Variants in GSN observed in about 807,000 individuals in gnomAD.
The protein encoded by GSN is gelsolin, also known as actin-depolymerizing factor.
GSN carries 56 observed loss-of-function variants against 85.7 expected under a neutral mutation model. The observed-to-expected ratio is 0.65, with a 90% CI of 0.53 to 0.82. The LOEUF (loss-of-function observed/expected upper bound fraction) is 0.82, where lower values mean the gene tolerates loss of function less well. GSN is among the 40% of genes least tolerant of loss of function. The probability of loss-of-function intolerance (pLI) is 0.00; values close to 1 mark genes in which losing one functional copy is unlikely to be tolerated. For missense variants in GSN, 857 were observed against 979.8 expected (o/e 0.87, Z 1.67); for synonymous variants, 373 against 399.1 (o/e 0.93, Z 0.78).
At chr9:121,251,672 C>A (rs1412815070) in intron 6 of GSN, among the ~76,000 whole-genome samples, 1 of 151,986 alleles carries the variant, frequency 6.6e-6, no homozygotes, top group Non-Finnish European at 1.5e-5. Context: ...GAAAGACATA[C>A]AAATGGCCAG....
chr9:121,272,497 T>TG (rs1459884238), intron 1 of GSN, among the ~76,000 whole-genome samples: 2 of 152,210 alleles, frequency 1.3e-5, no homozygotes, highest in African/African-American at 4.8e-5. Flanking sequence ...CACATGTACT[T>TG]GGGTCCGGCA....
chr9:121,243,317 G>C (rs2054639993), intron 5 of GSN, among the ~76,000 whole-genome samples: 1 of 152,200 alleles, frequency 6.6e-6, no homozygotes, highest in African/African-American at 2.4e-5. Context: ...CCTTTATAAG[G>C]AAACTTACGA....
At chr9:121,328,817 G>T in intron 14 of GSN, 74 bp from the exon 15 acceptor site, 9 of 1,523,448 alleles carry the variant, frequency 5.9e-6, no homozygotes, top group Non-Finnish European at 8.1e-6. Flanking sequence ...GGGCAGGGCT[G>T]GTCCCAGGGT....
At chr9:121,246,268 T>TC (rs2054697607) in intron 5 of GSN, among the ~76,000 whole-genome samples, 1 of 152,190 alleles carries the variant, frequency 6.6e-6, no homozygotes, top group African/African-American at 2.4e-5. Flanking sequence ...AAAAAAGTTT[T>TC]TTTTTTAAAA....
chr9:121,247,333 T>G (rs183891193), intron 5 of GSN, among the ~76,000 whole-genome samples: 1 of 152,314 alleles, frequency 6.6e-6, no homozygotes, highest in Admixed American at 6.5e-5. Flanking sequence ...CCCGCCACAC[T>G]GCTGTCTGGC....
At chr9:121,224,056 T>TA (rs35294951) in intron 4 of GSN, among the ~76,000 whole-genome samples, 44 of 151,732 alleles carry the variant, frequency 2.9e-4, no homozygotes, top group African/African-American at 7.0e-4. Flanking sequence ...TCTGATAGGT[T>TA]AAAAAAAAGG....
chr9:121,232,535 A>C (rs2054411162), intron 5 of GSN, among the ~76,000 whole-genome samples: 1 of 152,208 alleles, frequency 6.6e-6, no homozygotes, highest in Non-Finnish European at 1.5e-5. Flanking sequence ...CCAATTTTGC[A>C]ACCTTTTTAA....
intron 14 of GSN, among the ~76,000 whole-genome samples, chr9:121,327,915 G>A (rs567207556): frequency 2.7e-5 from 4 of 150,076 alleles, no homozygotes; most frequent in South Asian, 2.1e-4. Flanking sequence ...TGGAGGTTGC[G>A]GTGAGCTGAG....
chr9:121,250,331 A>C (rs2054794597), intron 6 of GSN, among the ~76,000 whole-genome samples: 1 of 150,748 alleles, frequency 6.6e-6, no homozygotes, highest in African/African-American at 2.4e-5. Context: ...CAGCCTCCTG[A>C]GTAACTGGGA....
intron 11 of GSN, among the ~76,000 whole-genome samples, 158 bp downstream of exon 11, chr9:121,321,559 C>T (rs967769753): frequency 6.6e-6 from 1 of 152,144 alleles, no homozygotes; most frequent in African/African-American, 2.4e-5. Context: ...CTTATTTCTC[C>T]AAACAACTTT....
intron 5 of GSN, chr9:121,311,325 G>A (rs762579620): frequency 3.4e-5 from 7 of 205,714 alleles, no homozygotes; most frequent in South Asian, 8.6e-5. Flanking sequence ...GATGTGTGAC[G>A]CTTTGTACAC....
intron 11 of GSN, 111 bp downstream of exon 11, chr9:121,321,512 C>A: frequency 1.0e-6 from 1 of 985,418 alleles, no homozygotes; most frequent in Admixed American, 2.2e-5. Context: ...CCACTCCCTG[C>A]TGGGAGAGGC....
At position 121,329,421 on chromosome 9, in the gene GSN, G is replaced by C. The variant is rs1485813328; in HGVS notation, c.1965+106G>C. Reference sequence around the variant, plus strand: ...GAAGGACCTAAAGGGGGCAGTGCCAGGTGTTGCCAGAAAAGTCTCTAAGGG... The same window carrying C: ...GAAGGACCTAAAGGGGGCAGTGCCACGTGTTGCCAGAAAAGTCTCTAAGGG... On this transcript the variant is annotated intron_variant, in intron 16 of 17. Coordinates refer to ENST00000432226, the MANE Select transcript of GSN (RefSeq NM_198252.3). This position sits in a 1 kb window ranked among gnomAD's most constrained non-coding sequence, Gnocchi z 4.6. 2.6e-6 allele frequency: 2 copies of C among 770,084 alleles called. No homozygotes were observed. Among genetic ancestry groups the C allele is most frequent in the African/African-American group, 1.7e-5 (1 of 59,040 alleles). The allele number at this position is 770,084 out of a possible 1,614,324, so 47.7% of individuals were successfully genotyped here. A position where few individuals can be genotyped will look rare whatever the true frequency, so the allele number is the denominator to read the frequency against.
At chr9:121,248,854 A>G (rs945430173) in intron 6 of GSN, among the ~76,000 whole-genome samples, 1 of 152,174 alleles carries the variant, frequency 6.6e-6, no homozygotes, top group Non-Finnish European at 1.5e-5. Flanking sequence ...TGCTAGATCA[A>G]GGAAGGCCTT....
chr9:121,221,771 T>C (rs977693286), intron 4 of GSN, among the ~76,000 whole-genome samples: 2 of 152,144 alleles, frequency 1.3e-5, no homozygotes, highest in African/African-American at 2.4e-5. Context: ...GACCAGCACA[T>C]AGTCAAAGAG....
At chr9:121,211,789 C>T (rs769515111) in intron 4 of GSN, among the ~76,000 whole-genome samples, 5 of 152,094 alleles carry the variant, frequency 3.3e-5, no homozygotes, top group African/African-American at 7.2e-5. Context: ...TCTCCTCTTC[C>T]GTTCTCTCCC....
intron 1 of GSN, among the ~76,000 whole-genome samples, chr9:121,268,491 C>G (rs975816120): frequency 1.3e-5 from 2 of 151,874 alleles, no homozygotes; most frequent in African/African-American, 2.4e-5. Flanking sequence ...CTGCTAGCAC[C>G]TGAGCTAATA....
At chr9:121,256,228 T>C (rs887645755) in intron 6 of GSN, among the ~76,000 whole-genome samples, 1 of 152,212 alleles carries the variant, frequency 6.6e-6, no homozygotes, top group Non-Finnish European at 1.5e-5. Context: ...TGAAGAGATT[T>C]TCTTTTTTTG....
intron 5 of GSN, among the ~76,000 whole-genome samples, chr9:121,242,620 A>G (rs1055133664): frequency 2.0e-5 from 3 of 152,216 alleles, no homozygotes; most frequent in Non-Finnish European, 4.4e-5. Flanking sequence ...GTTTTGAGGT[A>G]GGGACTGTTG....
Sources: gnomAD v4.1 joint callset for allele counts (sites outside exome capture counted in the v4.1 genomes callset) on GRCh38, gnomAD v4.1.1 for gene constraint, Gnocchi (gnomAD v3.1) non-coding constraint, MANE v1.5 for transcripts, NCBI Gene and HGNC (gene_info 2026-07-23, HGNC 2026-07-21) for gene names.